NCAM2: variants seen among roughly 807,000 people sequenced by gnomAD.
NCAM2 encodes neural cell adhesion molecule 2, also known as N-CAM-2.
In NCAM2, 30 loss-of-function variants were observed where a neutral mutation model predicts 98.1. The ratio of observed to expected loss-of-function variants is 0.31; its 90% CI spans 0.23 to 0.41. NCAM2 has a LOEUF of 0.41. Among genes scored for constraint, NCAM2 ranks in the 10% least tolerant of loss-of-function variants. The pLI is 1.00. For synonymous variants in NCAM2, 368 were observed against 342.4 expected (o/e 1.07, Z -0.83); for missense variants, 867 against 1,005.8 (o/e 0.86, Z 1.87).
rs1569062941 is a variant in NCAM2 at position 21,136,635 on chromosome 21, T to TG, written c.55+138017_55+138018insG. 5.0e-4 allele frequency among the ~76,000 whole-genome samples: 73 copies of TG among 145,458 alleles called. 1 individual carries two copies. The East Asian group carries it at 7.0e-3, about 14-fold the overall frequency. On this transcript the variant is annotated intron_variant, in intron 1 of 17. Transcript: ENST00000400546. ...GGCCACCACGCCTGTTTTTTGTTTT[T>TG]TTTTTTATTTTTAGTAGAGATGGGG... is the stretch of plus-strand genomic sequence containing the variant.
At chr21:21,196,728 ATGT>A (rs898454532) in intron 1 of NCAM2, among the ~76,000 whole-genome samples, 1 of 152,170 alleles carries the variant, frequency 6.6e-6, no homozygotes, top group African/African-American at 2.4e-5. Flanking sequence ...TCACAATAAA[ATGT>A]TGTGATTTTA....
intron 1 of NCAM2, among the ~76,000 whole-genome samples, chr21:21,257,875 C>T (rs569167298): frequency 8.7e-4 from 132 of 152,294 alleles, no homozygotes; most frequent in African/African-American, 2.9e-3. Context: ...GCCACTGTAC[C>T]GGGCCCCCAA....
rs527649086 is a variant in NCAM2, at chr21:21,195,111, C to G, written c.56-85467C>G. Among the ~76,000 whole-genome samples, 64 of 152,204 alleles carry G rather than the reference C, an allele frequency of 4.2e-4. No individual in the cohort carries two copies. In the South Asian group the frequency reaches 0.013, roughly 32 times the overall value. On this transcript the variant is annotated intron_variant, in intron 1 of 17. Transcript: ENST00000400546. ...TAGGGAATGAGTGTTACAGCAACCA[C>G]TGAGGAAATATAGGAATGGAGAACA...
intron 1 of NCAM2, among the ~76,000 whole-genome samples, chr21:21,066,262 G>GT (rs1166375428): frequency 3.9e-5 from 6 of 152,228 alleles, no homozygotes; most frequent in South Asian, 2.1e-4. Flanking sequence ...TTTGAATACA[G>GT]TTTTTTGTTA....
At chr21:21,210,775 T>C (rs1601655608) in intron 1 of NCAM2, 1 of 573,944 alleles carries the variant, frequency 1.7e-6, no homozygotes, top group East Asian at 9.1e-5. Context: ...GAACATCTTA[T>C]TTACTAGAAC....
chr21:21,321,517 G>GT (rs1324046297), intron 5 of NCAM2, among the ~76,000 whole-genome samples: 2 of 152,066 alleles, frequency 1.3e-5, no homozygotes, highest in East Asian at 1.9e-4. Context: ...TATGTCCTAA[G>GT]TTTTTTTTAT....
intron 1 of NCAM2, among the ~76,000 whole-genome samples, chr21:21,120,699 G>A (rs2066653377): frequency 6.8e-6 from 1 of 147,358 alleles, no homozygotes; most frequent in Non-Finnish European, 1.5e-5. Context: ...AAAAATTGAT[G>A]TTTATTTATT....
intron 1 of NCAM2, among the ~76,000 whole-genome samples, chr21:21,082,281 C>CAAAAAAAAAAAAAAAAAA (rs11384165): frequency 7.8e-6 from 1 of 127,870 alleles, no homozygotes. Flanking sequence ...GAGCTCAAAA[C>CAAAAAAAAAAAAAAAAAA]AAAAAAAAAA....
At chr21:21,209,965 A>G (rs2069586362) in intron 1 of NCAM2, among the ~76,000 whole-genome samples, 1 of 152,210 alleles carries the variant, frequency 6.6e-6, no homozygotes, top group South Asian at 2.1e-4. Flanking sequence ...TTTCTTAGCA[A>G]TAACTCAGGA....
chr21:21,049,604 G>A (rs556985371), intron 1 of NCAM2, among the ~76,000 whole-genome samples: 78 of 151,990 alleles, frequency 5.1e-4, no homozygotes, highest in African/African-American at 1.8e-3. Flanking sequence ...AGGCGTGGGG[G>A]CTCACACCTA....
At chr21:21,257,819 G>A (rs1663914761) in intron 1 of NCAM2, among the ~76,000 whole-genome samples, 1 of 152,106 alleles carries the variant, frequency 6.6e-6, no homozygotes, top group Admixed American at 6.5e-5. Flanking sequence ...CTGACCTCGT[G>A]ATCTGCCCGC....
chr21:21,164,286 G>A lies in NCAM2; in HGVS notation c.56-116292G>A, dbSNP rs201792865. ...GACATTGAAAAATATCTTGAAAATA[G>A]AGTATTACAATTTCATGGATGATTA... is the stretch of plus-strand genomic sequence containing the variant. On this transcript the variant is annotated intron_variant, in intron 1 of 17. Coordinates refer to ENST00000400546, the MANE Select transcript of NCAM2 (RefSeq NM_004540.5). Among the ~76,000 whole-genome samples, 12 of 152,250 alleles carry A rather than the reference G, an allele frequency of 7.9e-5. No homozygotes were observed. The East Asian group carries it at 2.1e-3, about 27-fold the overall frequency.
At chr21:21,428,310 G>T (rs2077258982) in intron 11 of NCAM2, among the ~76,000 whole-genome samples, 1 of 152,184 alleles carries the variant, frequency 6.6e-6, no homozygotes, top group Non-Finnish European at 1.5e-5. Flanking sequence ...ATGAGCCTCA[G>T]TTGAAATATT....
At chr21:21,197,679 C>G (rs535765826) in intron 1 of NCAM2, among the ~76,000 whole-genome samples, 1 of 152,098 alleles carries the variant, frequency 6.6e-6, no homozygotes, top group Admixed American at 6.5e-5. Flanking sequence ...TAACACATAT[C>G]GTTTCTGTGT....
rs200762037 is a variant in NCAM2, at chr21:21,210,389, G to A, written c.56-70189G>A. ...AATCACCTAGATTCTATAAGCTGAG[G>A]AATTAATTTATTTAACAATTTTCAA... On this transcript the variant is annotated intron_variant, in intron 1 of 17. Coordinates refer to ENST00000400546, the MANE Select transcript of NCAM2 (RefSeq NM_004540.5). Among the ~76,000 whole-genome samples, 25 of 152,164 alleles carry A rather than the reference G, an allele frequency of 1.6e-4. No individual in the cohort carries two copies. In the East Asian group the frequency reaches 4.3e-3, roughly 26 times the overall value.
At chr21:21,479,276 C>T (rs1046190000) in intron 15 of NCAM2, among the ~76,000 whole-genome samples, 2 of 151,956 alleles carry the variant, frequency 1.3e-5, no homozygotes, top group African/African-American at 4.8e-5. Context: ...CCCCCAATGA[C>T]TCTGCTATCT....
intron 1 of NCAM2, among the ~76,000 whole-genome samples, chr21:21,085,316 G>C (rs1254237297): frequency 6.6e-6 from 1 of 152,032 alleles, no homozygotes; most frequent in Non-Finnish European, 1.5e-5. Context: ...TTAGTGCATG[G>C]CAACTTGCCA....
Position 21,539,864 on chromosome 21 carries a change from TTA to T in NCAM2, c.*1909_*1910del, listed in dbSNP as rs1211629255. Reference sequence around the variant, plus strand: ...ACAGATTTGACTGTTCATATTTAGTTTATGTTTGTCTGATCATCCAGTTTGCT... The same window carrying T: ...ACAGATTTGACTGTTCATATTTAGTTTGTTTGTCTGATCATCCAGTTTGCT... On this transcript the variant is annotated 3_prime_UTR_variant, in exon 18 of 18. Coordinates refer to ENST00000400546, the MANE Select transcript of NCAM2 (RefSeq NM_004540.5). 3.3e-5 allele frequency: 5 copies of T among 152,218 alleles called. No individual in the cohort carries two copies. The highest frequency in any genetic ancestry group is 1.2e-4 in the African/African-American group (5 of 41,454). The allele number at this position is 152,218 out of a possible 1,614,324, so 9.4% of individuals were successfully genotyped here.
At chr21:21,205,970 C>A (rs1329353387) in intron 1 of NCAM2, among the ~76,000 whole-genome samples, 1 of 152,086 alleles carries the variant, frequency 6.6e-6, no homozygotes, top group Non-Finnish European at 1.5e-5. Flanking sequence ...AAAAGTCCAA[C>A]TCCTGAAACT....
Sources: gnomAD v4.1 joint callset for allele counts (sites outside exome capture counted in the v4.1 genomes callset) on GRCh38, gnomAD v4.1.1 for gene constraint, MANE v1.5 for transcripts, NCBI Gene and HGNC (gene_info 2026-07-23, HGNC 2026-07-21) for gene names.